SEC16B: variants seen among roughly 807,000 people sequenced by gnomAD.
The protein encoded by SEC16B is SEC16 homolog B, endoplasmic reticulum export factor.
Under a neutral mutation model 141.8 loss-of-function variants are expected in SEC16B, and 115 were observed. The ratio of observed to expected loss-of-function variants is 0.81; its 90% CI spans 0.70 to 0.95. The LOEUF (loss-of-function observed/expected upper bound fraction) is 0.95. SEC16B is among the 40% of genes least tolerant of loss of function. The pLI is 0.00. For synonymous variants in SEC16B, 493 were observed against 492.5 expected (o/e 1.00, Z -0.01); for missense variants, 1,291 against 1,312.3 (o/e 0.98, Z 0.25).
chr1:177,952,002 A>G lies in SEC16B; in HGVS notation c.1464-7T>C, dbSNP rs1265541881. The G allele has an allele frequency of 1.9e-6, 3 of 1,594,324 alleles. No homozygotes were observed. The highest frequency in any genetic ancestry group is 2.3e-5 in the South Asian group (2 of 87,328). ...CGCCAGCGTGCTGGTGAAGCTGCGG[A>G]GAGAAGGATAGTCAGCGAGGACCAA... On this transcript the variant is annotated splice_polypyrimidine_tract_variant and splice_region_variant and intron_variant, in intron 11 of 25. Transcript: ENST00000308284.
chr1:177,933,032 T>C (rs1650564579), intron 22 of SEC16B, among the ~76,000 whole-genome samples, 182 bp downstream of exon 22: 1 of 152,156 alleles, frequency 6.6e-6, no homozygotes, highest in Non-Finnish European at 1.5e-5. Flanking sequence ...TTTTAAAGCT[T>C]TTTTAATCTG....
chr1:177,951,019 AGGAG>A (rs558299206), intron 12 of SEC16B, among the ~76,000 whole-genome samples: 84 of 131,700 alleles, frequency 6.4e-4, no homozygotes, highest in Non-Finnish European at 8.7e-4. Flanking sequence ...GAGGATGTAA[AGGAG>A]GGAGGGAGGG....
intron 24 of SEC16B, among the ~76,000 whole-genome samples, chr1:177,932,001 C>T (rs575487955): frequency 4.6e-5 from 7 of 151,984 alleles, no homozygotes; most frequent in Admixed American, 1.3e-4. Flanking sequence ...AAAAAAATCA[C>T]GTGTTGAAGC....
intron 10 of SEC16B, among the ~76,000 whole-genome samples, 156 bp downstream of exon 10, chr1:177,957,976 T>G (rs1341600270): frequency 1.3e-5 from 2 of 152,156 alleles, no homozygotes; most frequent in Non-Finnish European, 2.9e-5. Flanking sequence ...GTGGTAGAAC[T>G]ATGGGTGTTT....
At chr1:177,965,296 A>G in intron 3 of SEC16B, 129 bp from the exon 4 acceptor site, 1 of 1,122,818 alleles carries the variant, frequency 8.9e-7, no homozygotes. Flanking sequence ...TCCAAATTGA[A>G]AAAATAGATA....
At chr1:177,942,569 G>A (rs1651365936) in intron 15 of SEC16B, among the ~76,000 whole-genome samples, 1 of 152,132 alleles carries the variant, frequency 6.6e-6, no homozygotes, top group African/African-American at 2.4e-5. Flanking sequence ...TCGGAAGGCT[G>A]AGACAGGAGA....
chr1:177,930,574 G>A lies in SEC16B; in HGVS notation c.3082C>T (p.Pro1028Ser), dbSNP rs779566889. 15 of 1,613,630 alleles carry A rather than the reference G, an allele frequency of 9.3e-6. No individual in the cohort carries two copies. Among genetic ancestry groups the A allele is most frequent in the Non-Finnish European group, 1.3e-5 (15 of 1,179,796 alleles). ...GGCACCTGAGATGGGTTGTAAAGAG[G>A]AACAGCCCCTTTTAAGGCAGGTGGA... Reference protein sequence around the residue: ...LPPPALKGAVPLYNPSQVPQL... With the variant: ...LPPPALKGAVSLYNPSQVPQL... Residue 1028 changes from proline (P) to serine (S), a missense_variant, in exon 25 of 26, where the codon CCT becomes TCT. Around this residue, in one of 3 missense-constraint regions of SEC16B, gnomAD observed 605 missense variants for 614.1 expected, o/e 0.99. Transcript: ENST00000308284.
At position 177,932,481 on chromosome 1, in the gene SEC16B, G is replaced by A. The variant is rs777957529; in HGVS notation, c.3012+9C>T. ...GGGTCCGAGGCTCCAGCCCAGGGGG[G>A]CCGCTTACCTCTGGTCCAGACAAGC... On this transcript the variant is annotated intron_variant, in intron 24 of 25. Transcript: ENST00000308284. The A allele has an allele frequency of 2.5e-5, 38 of 1,525,266 alleles. No homozygotes were observed. The highest frequency in any genetic ancestry group is 3.2e-5 in the Non-Finnish European group (36 of 1,134,946). The allele number at this position is 1,525,266 out of a possible 1,614,324, so 94.5% of individuals were successfully genotyped here.
chr1:177,960,654 T>C, intron 7 of SEC16B, 137 bp downstream of exon 7: 1 of 929,858 alleles, frequency 1.1e-6, no homozygotes, highest in Non-Finnish European at 1.6e-6. Context: ...ATCCAGGGGG[T>C]ACATGGCCCA....
intron 10 of SEC16B, among the ~76,000 whole-genome samples, chr1:177,956,648 C>A (rs983512363): frequency 6.6e-6 from 1 of 152,092 alleles, no homozygotes; most frequent in African/African-American, 2.4e-5. Flanking sequence ...ATCTCAACTT[C>A]AAAATTAAGC....
intron 19 of SEC16B, among the ~76,000 whole-genome samples, chr1:177,936,900 A>G (rs1226832875): frequency 6.6e-5 from 10 of 152,060 alleles, no homozygotes; most frequent in Non-Finnish European, 1.3e-4. Flanking sequence ...CTTGGCCTAT[A>G]TTTTTCCACC....
intron 1 of SEC16B, among the ~76,000 whole-genome samples, chr1:177,978,745 AGC>A (rs1557998920): frequency 1.4e-5 from 2 of 142,236 alleles, no homozygotes; most frequent in African/African-American, 2.6e-5. Context: ...ATAAATAAAT[AGC>A]ATAGCAGAAA....
intron 3 of SEC16B, 142 bp downstream of exon 3, chr1:177,965,751 G>A (rs989472826): frequency 8.6e-6 from 5 of 584,286 alleles, no homozygotes; most frequent in East Asian, 2.8e-5. Flanking sequence ...TCTAGGAGGA[G>A]TGTTTCTGCT....
rs1404728907 is a variant in SEC16B at position 177,948,710 on chromosome 1, AG to A, written c.1546-769del. The A allele has an allele frequency of 5.7e-6, 7 of 1,222,550 alleles. No individual in the cohort carries two copies. The African/African-American group carries it at 1.1e-4, about 19-fold the overall frequency. 75.7% of individuals were successfully genotyped at this position (1,222,550 alleles called of 1,614,324 possible). Reference sequence around the variant, plus strand: ...CAATATAATGTCATGGAAACAACACAGGCCCCAACTCGAGTCCTGCATCTTA... The same window carrying A: ...CAATATAATGTCATGGAAACAACACAGCCCCAACTCGAGTCCTGCATCTTA... On this transcript the variant is annotated intron_variant, in intron 12 of 25. Coordinates refer to ENST00000308284, the MANE Select transcript of SEC16B (RefSeq NM_033127.4).
Position 177,964,975 on chromosome 1 carries a change from G to A in SEC16B, c.533+72C>T, listed in dbSNP as rs202103435. 1.9e-4 allele frequency: 292 copies of A among 1,550,956 alleles called. No homozygotes were observed. The African/African-American group carries it at 3.1e-3, about 16-fold the overall frequency. On this transcript the variant is annotated intron_variant, in intron 4 of 25. Coordinates refer to ENST00000308284, the MANE Select transcript of SEC16B (RefSeq NM_033127.4). ...TGGAGGTGAGATGGCAGCATCAGAC[G>A]CCAGAAGATTTGCCCGACATAGTCT...
chr1:177,964,282 G>A lies in SEC16B; in HGVS notation c.534-3C>T. On this transcript the variant is annotated splice_region_variant and splice_polypyrimidine_tract_variant and intron_variant, in intron 4 of 25. Transcript: ENST00000308284. Reference sequence around the variant, plus strand: ...TACAAGGGTTCCTACTGTTAGATCTGCAGCAAAATGACAGGAGCAGTGAGC... The same window carrying A: ...TACAAGGGTTCCTACTGTTAGATCTACAGCAAAATGACAGGAGCAGTGAGC... The A allele has an allele frequency of 6.2e-7, 1 of 1,607,430 alleles. No homozygotes were observed. Among genetic ancestry groups the A allele is most frequent in the East Asian group, 2.2e-5 (1 of 44,652 alleles).
chr1:177,981,259 T>C (rs1654401641), intron 1 of SEC16B, among the ~76,000 whole-genome samples: 1 of 152,108 alleles, frequency 6.6e-6, no homozygotes, highest in Admixed American at 6.6e-5. Context: ...TTATTTGCCA[T>C]GTGTGAGACT....
Position 177,968,048 on chromosome 1 carries a change from A to G in SEC16B, c.-58-9T>C. The stretch of plus-strand genomic sequence containing the variant: ...GCAGTTATTTTATCTTCCTGCAGAC[A>G]AAAGAAAAAGGAAAAAATCATCACT... On this transcript the variant is annotated splice_polypyrimidine_tract_variant and intron_variant, in intron 1 of 25. Coordinates refer to ENST00000308284, the MANE Select transcript of SEC16B (RefSeq NM_033127.4). The G allele has an allele frequency of 6.9e-7, 1 of 1,442,678 alleles. No individual in the cohort carries two copies. Among genetic ancestry groups the G allele is most frequent in the Non-Finnish European group, 9.2e-7 (1 of 1,081,714 alleles). The allele number at this position is 1,442,678 out of a possible 1,614,324, so 89.4% of individuals were successfully genotyped here.
chr1:177,979,286 A>G (rs1654305583), intron 1 of SEC16B, among the ~76,000 whole-genome samples: 1 of 152,256 alleles, frequency 6.6e-6, no homozygotes, highest in Non-Finnish European at 1.5e-5. Context: ...TTAAATCATA[A>G]AAATAAGAAT....
Sources: allele counts gnomAD v4.1 joint callset (sites outside exome capture counted in the v4.1 genomes callset), GRCh38; gene constraint gnomAD v4.1.1; regional missense constraint gnomAD v4.1.1; transcripts MANE v1.5; gene names NCBI Gene and HGNC (gene_info 2026-07-23, HGNC 2026-07-21).